PTDSS2: variants seen among roughly 807,000 people sequenced by gnomAD.
PTDSS2 encodes the protein PSS-2.
In PTDSS2, 41 loss-of-function variants were observed where a neutral mutation model predicts 64.7. The ratio of observed to expected loss-of-function variants is 0.63; its 90% CI spans 0.49 to 0.82. The LOEUF (loss-of-function observed/expected upper bound fraction) is 0.82. Ranked by LOEUF, PTDSS2 falls within the 40% of genes least tolerant of loss-of-function variation. The probability of loss-of-function intolerance (pLI) is 0.00; values close to 1 mark genes in which losing one functional copy is unlikely to be tolerated. For missense variants in PTDSS2, 485 were observed against 650.0 expected (o/e 0.75, Z 2.76); for synonymous variants, 297 against 277.8 (o/e 1.07, Z -0.69).
intron 2 of PTDSS2, among the ~76,000 whole-genome samples, chr11:472,303 G>C (rs1202263656): frequency 6.6e-6 from 1 of 152,210 alleles, no homozygotes; most frequent in South Asian, 2.1e-4. Context: ...CTGGCTCCAG[G>C]GGGCCCTGAA....
chr11:468,069 C>G (rs752632476), intron 2 of PTDSS2, among the ~76,000 whole-genome samples: 1 of 152,068 alleles, frequency 6.6e-6, no homozygotes, highest in Non-Finnish European at 1.5e-5. Context: ...GCAGAGGTTG[C>G]AGCGAGCTGT....
rs561784175 is a variant in PTDSS2, at chr11:457,539, G to A, written c.183-2648G>A. Reference sequence around the variant, plus strand: ...CTCCTGCCTGGGCCTCCCAAGGGGCGTGTCTTTGAGATCTATCCACGTTGA... The same window carrying A: ...CTCCTGCCTGGGCCTCCCAAGGGGCATGTCTTTGAGATCTATCCACGTTGA... On this transcript the variant is annotated intron_variant, in intron 1 of 11. Transcript: ENST00000308020. Among the ~76,000 whole-genome samples the A allele has an allele frequency of 2.2e-3, 333 of 152,324 alleles. 1 individual carries two copies. The highest frequency in any genetic ancestry group is 7.8e-3 in the African/African-American group (323 of 41,574).
At position 479,238 on chromosome 11, in the gene PTDSS2, C is replaced by T. The variant is rs769194975; in HGVS notation, c.435+86C>T. On this transcript the variant is annotated intron_variant, in intron 4 of 11. Coordinates refer to ENST00000308020, the MANE Select transcript of PTDSS2 (RefSeq NM_030783.3). This position sits in a 1 kb window ranked among gnomAD's most constrained non-coding sequence, Gnocchi z 4.2. ...GGTGACAAAGGAGGCCTTGCCCACA[C>T]AGCCCTCGAGTGATGGGAGGAAGCA... 1.1e-4 allele frequency: 118 copies of T among 1,123,784 alleles called. 1 individual carries two copies. Among genetic ancestry groups the T allele is most frequent in the Non-Finnish European group, 8.2e-6 (6 of 733,234 alleles). The allele number at this position is 1,123,784 out of a possible 1,614,324, so 69.6% of individuals were successfully genotyped here.
chr11:450,744 C>A, intron 1 of PTDSS2, 107 bp downstream of exon 1: 1 of 1,010,164 alleles, frequency 9.9e-7, no homozygotes, highest in Non-Finnish European at 1.3e-6. Flanking sequence ...GTCTTGGAGT[C>A]CAGGACTGTG....
At chr11:487,733 C>G (rs1848459076) in intron 6 of PTDSS2, among the ~76,000 whole-genome samples, 1 of 152,222 alleles carries the variant, frequency 6.6e-6, no homozygotes. Context: ...CCTGCCTGGG[C>G]TTGGGCACTG....
chr11:466,705 G>A (rs1847159132), intron 2 of PTDSS2, among the ~76,000 whole-genome samples: 1 of 151,986 alleles, frequency 6.6e-6, no homozygotes, highest in Admixed American at 6.6e-5. Context: ...CACCGCGCAC[G>A]GCCAAAACTG....
chr11:472,505 G>T (rs532174941), intron 2 of PTDSS2, among the ~76,000 whole-genome samples: 36 of 152,296 alleles, frequency 2.4e-4, no homozygotes, highest in Admixed American at 1.4e-3. Flanking sequence ...GTTTCGCCTG[G>T]GTGGGCCATG....
At chr11:490,289 C>A in intron 11 of PTDSS2, 131 bp from the exon 12 acceptor site, 1 of 1,349,050 alleles carries the variant, frequency 7.4e-7, no homozygotes, top group Non-Finnish European at 1.0e-6. Context: ...CGGCTGCCGT[C>A]CCAGGGCCAG....
At chr11:454,770 CAG>C (rs1396622115) in intron 1 of PTDSS2, among the ~76,000 whole-genome samples, 1 of 152,184 alleles carries the variant, frequency 6.6e-6, no homozygotes, top group African/African-American at 2.4e-5. Context: ...GCCTGGGTGA[CAG>C]AGCAAGACTC....
chr11:466,191 T>G lies in PTDSS2; in HGVS notation c.284+5903T>G, dbSNP rs1377126377. 2.6e-5 allele frequency among the ~76,000 whole-genome samples: 4 copies of G among 152,032 alleles called. No homozygotes were observed. In the East Asian group the frequency reaches 7.7e-4, roughly 29 times the overall value. ...GAATTCCAGACCAGCCTGTGTAACA[T>G]GGTCTATTAGTCTGTTTTCATACTG... On this transcript the variant is annotated intron_variant, in intron 2 of 11. Transcript: ENST00000308020.
At chr11:474,037 CTG>C (rs1371286606) in intron 3 of PTDSS2, 60 bp downstream of exon 3, 7 of 1,352,208 alleles carry the variant, frequency 5.2e-6, no homozygotes, top group Non-Finnish European at 7.4e-6. Context: ...AGCGGCCACT[CTG>C]TGTCTGTGCT....
Position 461,578 on chromosome 11 carries a change from T to C in PTDSS2, c.284+1290T>C, listed in dbSNP as rs1194134162. Among the ~76,000 whole-genome samples, 1 of 152,116 alleles carries C rather than the reference T, an allele frequency of 6.6e-6. No homozygotes were observed. Among genetic ancestry groups the C allele is most frequent in the African/African-American group, 2.4e-5 (1 of 41,436 alleles). ...CCCTACCCTGCTCCTGGCTGCATGC[T>C]CTGTGGGTTCTCTCCCACCTTGCTG... is the stretch of plus-strand genomic sequence containing the variant. On this transcript the variant is annotated intron_variant, in intron 2 of 11. Transcript: ENST00000308020. The surrounding 1 kb of genome is among the most constrained non-coding windows in gnomAD (Gnocchi z 4.2).
Position 470,275 on chromosome 11 carries a change from C to T in PTDSS2, c.285-3620C>T, listed in dbSNP as rs1037720242. ...GGCGTGGCCGACGGGGAGGCTGCTG[C>T]CCCATCCTCCCAACCCCGACGACCC... is the stretch of plus-strand genomic sequence containing the variant. On this transcript the variant is annotated intron_variant, in intron 2 of 11. Transcript: ENST00000308020. This position sits in a 1 kb window ranked among gnomAD's most constrained non-coding sequence, Gnocchi z 5.3. Among the ~76,000 whole-genome samples the T allele has an allele frequency of 6.6e-6, 1 of 152,196 alleles. No homozygotes were observed. The highest frequency in any genetic ancestry group is 2.4e-5 in the African/African-American group (1 of 41,436).
Position 460,685 on chromosome 11 carries a change from C to T in PTDSS2, c.284+397C>T, listed in dbSNP as rs1846838389. On this transcript the variant is annotated intron_variant, in intron 2 of 11. Transcript: ENST00000308020. This position sits in a 1 kb window ranked among gnomAD's most constrained non-coding sequence, Gnocchi z 5.8. ...GTGCTGGTTCCGTTAGCCAGCGGGG[C>T]TCTTGCACGGACAGGGGCCGACACG... The T allele has an allele frequency of 1.1e-5, 2 of 187,116 alleles. No homozygotes were observed. The highest frequency in any genetic ancestry group is 1.1e-5 in the Non-Finnish European group (1 of 88,732). 11.6% of individuals were successfully genotyped at this position (187,116 alleles called of 1,614,324 possible).
Position 490,788 on chromosome 11 carries a change from G to A in PTDSS2, c.*206G>A, listed in dbSNP as rs1256679803. On this transcript the variant is annotated 3_prime_UTR_variant, in exon 12 of 12. Coordinates refer to ENST00000308020, the MANE Select transcript of PTDSS2 (RefSeq NM_030783.3). Reference sequence around the variant, plus strand: ...TGTGTACACGTGTGTACGTGTGTATGCGTGTGTGTACGCGTGTGTACGCGC... The same window carrying A: ...TGTGTACACGTGTGTACGTGTGTATACGTGTGTGTACGCGTGTGTACGCGC... 8.7e-6 allele frequency: 5 copies of A among 577,884 alleles called. No homozygotes were observed. Among genetic ancestry groups the A allele is most frequent in the Non-Finnish European group, 1.5e-5 (5 of 330,966 alleles). The allele number at this position is 577,884 out of a possible 1,614,324, so 35.8% of individuals were successfully genotyped here. A position where few individuals can be genotyped will look rare whatever the true frequency, so the allele number is the denominator to read the frequency against.
At position 479,129 on chromosome 11, in the gene PTDSS2, T is replaced by C. The variant is rs1187844469; in HGVS notation, c.412T>C (p.Phe138Leu). The C allele has an allele frequency of 6.2e-6, 10 of 1,613,948 alleles. No individual in the cohort carries two copies. Among genetic ancestry groups the C allele is most frequent in the Non-Finnish European group, 8.5e-6 (10 of 1,179,918 alleles). Residue 138 changes from phenylalanine to leucine, a missense_variant, in exon 4 of 12, where the codon TTT becomes CTT. By Grantham distance (22) the Phe-to-Leu change is conservative. This residue lies in a region of PTDSS2 where 251 missense variants were observed against 348.0 expected (regional missense o/e 0.72). Transcript: ENST00000308020. The surrounding 1 kb of genome is among the most constrained non-coding windows in gnomAD (Gnocchi z 4.2). ...WLCVSVVYELFLIFILFQTVQ... is the reference protein window; with the variant it reads ...WLCVSVVYELLLIFILFQTVQ... ...CTGCGTGAGTGTGGTCTACGAGCTG[T>C]TTCTCATCTTTATACTCTTCCAGGT...
intron 4 of PTDSS2, among the ~76,000 whole-genome samples, chr11:486,441 T>TGG (rs2133836082): frequency 6.6e-6 from 1 of 152,256 alleles, no homozygotes; most frequent in South Asian, 2.1e-4. Flanking sequence ...GTGTCGTGCC[T>TGG]GGGGGTTCCT....
chr11:451,367 C>A, intron 1 of PTDSS2: 1 of 445,376 alleles, frequency 2.2e-6, no homozygotes, highest in South Asian at 1.6e-5. Flanking sequence ...CTCCAGGTGC[C>A]GCTCCTACTC....
At chr11:467,496 G>A (rs554726571) in intron 2 of PTDSS2, among the ~76,000 whole-genome samples, 10 of 152,196 alleles carry the variant, frequency 6.6e-5, no homozygotes, top group Non-Finnish European at 1.0e-4. Flanking sequence ...GGTGGTTCAC[G>A]CCTGTCATCC....
Sources: allele counts gnomAD v4.1 joint callset (sites outside exome capture counted in the v4.1 genomes callset), GRCh38; gene constraint gnomAD v4.1.1; regional missense constraint gnomAD v4.1.1; non-coding constraint Gnocchi (gnomAD v3.1); transcripts MANE v1.5; gene names NCBI Gene and HGNC (gene_info 2026-07-23, HGNC 2026-07-21).